GABRG1: variants seen among roughly 807,000 people sequenced by gnomAD.
GABRG1 encodes gamma-aminobutyric acid receptor subunit gamma-1.
Under a neutral mutation model 49.8 loss-of-function variants are expected in GABRG1, and 49 were observed. That is an observed-to-expected ratio of 0.98 (90% CI 0.78 to 1.25). GABRG1 has a LOEUF of 1.25. Ranked by LOEUF, GABRG1 falls within the 50% of genes most tolerant of loss-of-function variation. The pLI, the probability that GABRG1 is intolerant of heterozygous loss-of-function variation, is 0.00. For synonymous variants in GABRG1, 232 were observed against 185.1 expected (o/e 1.25, Z -2.06); for missense variants, 552 against 552.3 (o/e 1.00, Z 0.01).
intron 3 of GABRG1, among the ~76,000 whole-genome samples, chr4:46,077,064 T>C (rs1205745903): frequency 6.7e-6 from 1 of 148,884 alleles, no homozygotes; most frequent in Admixed American, 6.8e-5. Context: ...ATCATTACTT[T>C]TAAAAAATCC....
intron 3 of GABRG1, among the ~76,000 whole-genome samples, chr4:46,075,474 G>T (rs1577649444): frequency 6.6e-6 from 1 of 152,006 alleles, no homozygotes; most frequent in African/African-American, 2.4e-5. Flanking sequence ...AGGAATACAG[G>T]CGTGAGCCAC....
Position 46,076,361 on chromosome 4 carries a change from TCATATATATATATATA to T in GABRG1, c.321+7609_321+7624del, listed in dbSNP as rs1484480274. Among the ~76,000 whole-genome samples, 26 of 78,146 alleles carry T rather than the reference TCATATATATATATATA, an allele frequency of 3.3e-4. 1 individual carries two copies. The highest frequency in any genetic ancestry group is 0.014 in the Middle Eastern group (2 of 142). The allele number at this position is 78,146 out of a possible 152,430, so 51.3% of individuals were successfully genotyped here. ...TACCTAAATTTATCTTAGGTCATGT[TCATATATATATATATA>T]TATATATATATATATATATATATAT... On this transcript the variant is annotated intron_variant, in intron 3 of 8. Coordinates refer to ENST00000295452, the MANE Select transcript of GABRG1 (RefSeq NM_173536.4).
chr4:46,123,854 C>T lies in GABRG1; in HGVS notation c.60G>A (p.Gly20=). ...SPFLLRSQSR[G]VRLVFLLLTL... ...TCAGTAACAAGAAGACCAACCTCAC[C>T]CCTCTACTTTGACTCCGCAGAAGAA... Residue 20 remains glycine (G), a synonymous_variant, in exon 1 of 9, where the codon GGG becomes GGA. Transcript: ENST00000295452. The T allele has an allele frequency of 1.2e-6, 2 of 1,613,696 alleles. No individual in the cohort carries two copies. The highest frequency in any genetic ancestry group is 1.7e-6 in the Non-Finnish European group (2 of 1,179,782).
chr4:46,088,807 G>A (rs1389285243), intron 2 of GABRG1, among the ~76,000 whole-genome samples: 3 of 144,272 alleles, frequency 2.1e-5, no homozygotes, highest in Admixed American at 6.9e-5. Context: ...GTGTGTGTTT[G>A]TGTGTGTTTG....
At chr4:46,063,751 A>G (rs930537622) in intron 5 of GABRG1, among the ~76,000 whole-genome samples, 1 of 152,010 alleles carries the variant, frequency 6.6e-6, no homozygotes, top group Admixed American at 6.6e-5. Flanking sequence ...GCAACCTACA[A>G]AATGGGAGAA....
At chr4:46,102,889 T>C (rs974874096) in intron 1 of GABRG1, among the ~76,000 whole-genome samples, 1 of 151,670 alleles carries the variant, frequency 6.6e-6, no homozygotes, top group African/African-American at 2.4e-5. Flanking sequence ...TCCTTATTAC[T>C]AGAGAAAAAA....
chr4:46,056,287 A>G (rs1404269600), intron 7 of GABRG1, among the ~76,000 whole-genome samples: 1 of 151,692 alleles, frequency 6.6e-6, no homozygotes, highest in Non-Finnish European at 1.5e-5. Flanking sequence ...TTCTGTGACT[A>G]TTCATTCAGC....
At chr4:46,049,887 A>C (rs902728015) in intron 8 of GABRG1, among the ~76,000 whole-genome samples, 4 of 151,868 alleles carry the variant, frequency 2.6e-5, no homozygotes, top group African/African-American at 9.7e-5. Context: ...GTGGTACCTA[A>C]ATTATTTATT....
Position 46,040,919 on chromosome 4 carries a change from T to A in GABRG1, c.*69A>T. The A allele has an allele frequency of 6.9e-7, 1 of 1,447,260 alleles. No homozygotes were observed. The highest frequency in any genetic ancestry group is 9.4e-7 in the Non-Finnish European group (1 of 1,064,496). 89.7% of individuals were successfully genotyped at this position (1,447,260 alleles called of 1,614,324 possible). The stretch of plus-strand genomic sequence containing the variant: ...CTGCATTTTAAATTTAAACTTCAAG[T>A]TACTGAAGCACAAAAGATTCTACTG... On this transcript the variant is annotated 3_prime_UTR_variant, in exon 9 of 9. Coordinates refer to ENST00000295452, the MANE Select transcript of GABRG1 (RefSeq NM_173536.4).
At chr4:46,099,999 C>T (rs990078430) in intron 1 of GABRG1, among the ~76,000 whole-genome samples, 2 of 151,600 alleles carry the variant, frequency 1.3e-5, no homozygotes, top group African/African-American at 4.8e-5. Flanking sequence ...GCCTGTACTT[C>T]TAAGGATGCA....
chr4:46,108,252 C>T (rs908014977), intron 1 of GABRG1, among the ~76,000 whole-genome samples: 3 of 150,896 alleles, frequency 2.0e-5, no homozygotes, highest in African/African-American at 7.3e-5. Flanking sequence ...GCATTATGGC[C>T]TGTCAGGGTC....
At chr4:46,089,716 A>G (rs973184234) in intron 2 of GABRG1, among the ~76,000 whole-genome samples, 2 of 152,104 alleles carry the variant, frequency 1.3e-5, no homozygotes, top group African/African-American at 2.4e-5. Flanking sequence ...TAATCCCAGC[A>G]CTTTGGGAGG....
intron 3 of GABRG1, among the ~76,000 whole-genome samples, chr4:46,075,476 G>A (rs955937): frequency 0.57 from 86,327 of 151,858 alleles, 25,070 homozygotes; most frequent in African/African-American, 0.64. Flanking sequence ...GAATACAGGC[G>A]TGAGCCACTG....
intron 8 of GABRG1, among the ~76,000 whole-genome samples, chr4:46,049,076 T>C (rs1327112613): frequency 2.0e-5 from 3 of 151,806 alleles, no homozygotes; most frequent in Admixed American, 1.3e-4. Context: ...GATTTTAAAC[T>C]ACTCTGAATT....
intron 1 of GABRG1, among the ~76,000 whole-genome samples, chr4:46,107,586 C>G (rs1178552022): frequency 6.6e-6 from 1 of 150,466 alleles, no homozygotes; most frequent in Non-Finnish European, 1.5e-5. Flanking sequence ...CTCTTTTTTT[C>G]TCATATGTGA....
intron 4 of GABRG1, among the ~76,000 whole-genome samples, chr4:46,065,013 T>C (rs1007478840): frequency 1.3e-5 from 2 of 152,136 alleles, no homozygotes; most frequent in Admixed American, 6.6e-5. Flanking sequence ...TACTACACCA[T>C]TGAAAATTAG....
At chr4:46,082,867 G>A (rs1028004538) in intron 3 of GABRG1, among the ~76,000 whole-genome samples, 4 of 151,396 alleles carry the variant, frequency 2.6e-5, no homozygotes, top group African/African-American at 9.7e-5. Context: ...ACACCATCTG[G>A]TCCTCAGATC....
At chr4:46,113,390 AACTC>A (rs755092475) in intron 1 of GABRG1, among the ~76,000 whole-genome samples, 1 of 150,936 alleles carries the variant, frequency 6.6e-6, no homozygotes, top group Non-Finnish European at 1.5e-5. Context: ...ATCTCCTGAG[AACTC>A]ACTATCATGA....
chr4:46,077,772 A>G (rs1239644461), intron 3 of GABRG1, among the ~76,000 whole-genome samples: 1 of 151,824 alleles, frequency 6.6e-6, no homozygotes, highest in Non-Finnish European at 1.5e-5. Context: ...ATAAATGGTA[A>G]ATAAATATAT....
Sources: allele counts gnomAD v4.1 joint callset (sites outside exome capture counted in the v4.1 genomes callset), GRCh38; gene constraint gnomAD v4.1.1; transcripts MANE v1.5; gene names NCBI Gene and HGNC (gene_info 2026-07-23, HGNC 2026-07-21).